Variants in GTPBP10 observed in about 807,000 individuals in gnomAD.
GTPBP10 encodes GTP-binding protein 10.
GTPBP10 carries 38 observed loss-of-function variants against 44.8 expected under a neutral mutation model. That is an observed-to-expected ratio of 0.85 (90% CI 0.65 to 1.11). The LOEUF is 1.11. GTPBP10 is among the 50% of genes most tolerant of loss of function. The pLI is 0.00. For missense variants in GTPBP10, 462 were observed against 453.7 expected (o/e 1.02, Z -0.17); for synonymous variants, 152 against 150.6 (o/e 1.01, Z -0.07).
rs1488370524 is a variant in GTPBP10, at chr7:90,386,867, AG to A, written c.*1714del. 6.6e-6 allele frequency: 1 copy of A among 152,204 alleles called. No individual in the cohort carries two copies. Among genetic ancestry groups the A allele is most frequent in the Non-Finnish European group, 1.5e-5 (1 of 68,042 alleles). The allele number at this position is 152,204 out of a possible 1,614,324, so 9.4% of individuals were successfully genotyped here. On this transcript the variant is annotated 3_prime_UTR_variant, in exon 10 of 10. Coordinates refer to ENST00000222511, the MANE Select transcript of GTPBP10 (RefSeq NM_033107.4). The stretch of plus-strand genomic sequence containing the variant: ...AATTCAAATAGTACAAAAGCATATA[AG>A]TAACTAATAAAAGCTCCCTTTCTGC...
intron 1 of GTPBP10, among the ~76,000 whole-genome samples, chr7:90,350,738 G>A (rs1795775664): frequency 6.6e-6 from 1 of 152,142 alleles, no homozygotes; most frequent in Non-Finnish European, 1.5e-5. Flanking sequence ...CTGCTGCAGT[G>A]GCTTCATGAA....
At chr7:90,372,609 C>A (rs1343178733) in intron 5 of GTPBP10, among the ~76,000 whole-genome samples, 3 of 151,566 alleles carry the variant, frequency 2.0e-5, no homozygotes, top group African/African-American at 7.3e-5. Flanking sequence ...AGCCACCCTC[C>A]CCAGCCATAT....
chr7:90,348,384 G>C (rs564579659), intron 1 of GTPBP10, among the ~76,000 whole-genome samples: 1 of 152,112 alleles, frequency 6.6e-6, no homozygotes. Context: ...TTGGCTGGAA[G>C]CCTCACTGAT....
chr7:90,353,143 T>C (rs1795826614), intron 2 of GTPBP10, 134 bp downstream of exon 2: 3 of 565,042 alleles, frequency 5.3e-6, no homozygotes, highest in Non-Finnish European at 9.1e-6. Flanking sequence ...AGCAAAAGCC[T>C]AAAATGTCTC....
rs946929703 is a variant in GTPBP10 at position 90,389,131 on chromosome 7, G to A, written c.*3977G>A. The A allele has an allele frequency of 6.6e-6, 1 of 152,136 alleles. No individual in the cohort carries two copies. The highest frequency in any genetic ancestry group is 1.5e-5 in the Non-Finnish European group (1 of 68,030). 9.4% of individuals were successfully genotyped at this position (152,136 alleles called of 1,614,324 possible). The stretch of plus-strand genomic sequence containing the variant: ...AATCCTTAATAGTATCTCAAATCTG[G>A]TTTAAATCTGTCTCTCCTTAACGGA... On this transcript the variant is annotated 3_prime_UTR_variant, in exon 10 of 10. Coordinates refer to ENST00000222511, the MANE Select transcript of GTPBP10 (RefSeq NM_033107.4).
chr7:90,357,569 T>G (rs755315911), intron 4 of GTPBP10, among the ~76,000 whole-genome samples: 8 of 152,142 alleles, frequency 5.3e-5, no homozygotes, highest in Non-Finnish European at 1.0e-4. Flanking sequence ...TGCAGAATAT[T>G]CCACCATTAT....
intron 5 of GTPBP10, among the ~76,000 whole-genome samples, chr7:90,374,038 A>G (rs1349647238): frequency 1.3e-5 from 2 of 152,114 alleles, no homozygotes; most frequent in East Asian, 1.9e-4. Flanking sequence ...GGGTCTCACT[A>G]TGCTGCCCAG....
chr7:90,371,745 A>G (rs533317060), intron 4 of GTPBP10, among the ~76,000 whole-genome samples: 2 of 152,182 alleles, frequency 1.3e-5, no homozygotes, highest in Non-Finnish European at 2.9e-5. Context: ...AATTCATTAC[A>G]CCTCTCTACT....
chr7:90,374,278 A>G (rs771763697), intron 5 of GTPBP10, 24 bp from the exon 6 acceptor site: 11 of 1,539,990 alleles, frequency 7.1e-6, no homozygotes, highest in Non-Finnish European at 9.9e-6. Context: ...TCTAGCCTTA[A>G]TTTATTGCTG....
chr7:90,365,368 C>CTTTTTTTTTTT lies in GTPBP10; in HGVS notation c.465-6772_465-6762dup, dbSNP rs59645149. Among the ~76,000 whole-genome samples the CTTTTTTTTTTT allele has an allele frequency of 5.5e-5, 5 of 90,362 alleles. 1 individual carries two copies. The highest frequency in any genetic ancestry group is 8.2e-5 in the Non-Finnish European group (4 of 48,934). The allele number at this position is 90,362 out of a possible 152,430, so 59.3% of individuals were successfully genotyped here. ...TTTTGGACTGAGACTTTGGGGTTTT[C>CTTTTTTTTTTT]TTTTTTTTTTTTTTTTTTTTTTTTT... On this transcript the variant is annotated intron_variant, in intron 4 of 9. Transcript: ENST00000222511.
chr7:90,369,556 A>G (rs1342368438), intron 4 of GTPBP10, among the ~76,000 whole-genome samples: 2 of 152,188 alleles, frequency 1.3e-5, no homozygotes, highest in Admixed American at 6.5e-5. Flanking sequence ...GCTGCAGCTC[A>G]TGGCAGGTCA....
At chr7:90,353,209 G>A (rs1197794452) in intron 2 of GTPBP10, 200 bp downstream of exon 2, 6 of 417,440 alleles carry the variant, frequency 1.4e-5, no homozygotes, top group African/African-American at 8.1e-5. Context: ...CTTTCTGTCC[G>A]TTTCTTTTCC....
rs773514296 is a variant in GTPBP10, at chr7:90,353,005, A to G, written c.223A>G (p.Ser75Gly). 6.4e-7 allele frequency: 1 copy of G among 1,573,654 alleles called. No homozygotes were observed. The highest frequency in any genetic ancestry group is 2.3e-5 in the East Asian group (1 of 44,202). ...GTTTGTGGCTGGAGTAGGAGCAAAC[A>G]GCAAGTAAGTAATTACTGAATGACT... ...KRFVAGVGAN[S>G]KISALKGSKG... The change falls in exon 2 of 10, where the codon AGC (serine) becomes GGC (glycine). Residue 75 changes from serine to glycine, a missense_variant. Physicochemically the swap from Ser to Gly is moderately conservative, Grantham distance 56. Transcript: ENST00000222511.
rs1162051923 is a variant in GTPBP10 at position 90,352,797 on chromosome 7, T to C, written c.34-19T>C. ...ATACACTTTTGGTATACAAATATTC[T>C]TTCTCTTTTTTTTTTAAGTATGGAA... On this transcript the variant is annotated intron_variant, in intron 1 of 9. Coordinates refer to ENST00000222511, the MANE Select transcript of GTPBP10 (RefSeq NM_033107.4). 9 of 1,571,200 alleles carry C rather than the reference T, an allele frequency of 5.7e-6. No homozygotes were observed. The Admixed American group carries it at 1.5e-4, about 27-fold the overall frequency.
chr7:90,362,702 C>G (rs534835113), intron 4 of GTPBP10, among the ~76,000 whole-genome samples: 53 of 152,226 alleles, frequency 3.5e-4, no homozygotes, highest in African/African-American at 1.2e-3. Context: ...AACTTTCTGT[C>G]TTGTTGATCT....
intron 4 of GTPBP10, among the ~76,000 whole-genome samples, chr7:90,363,970 T>C (rs1165135093): frequency 6.6e-6 from 1 of 152,244 alleles, no homozygotes; most frequent in African/African-American, 2.4e-5. Context: ...TCTCATGCCA[T>C]GGTTTGCAGC....
chr7:90,348,808 C>T (rs1795733970), intron 1 of GTPBP10, among the ~76,000 whole-genome samples: 1 of 152,200 alleles, frequency 6.6e-6, no homozygotes. Flanking sequence ...TGCCTCTTCA[C>T]AGAAGGGTCC....
At chr7:90,371,251 T>G in intron 4 of GTPBP10, 2 of 837,158 alleles carry the variant, frequency 2.4e-6, no homozygotes, top group Non-Finnish European at 2.9e-6. Context: ...CAATGTTGTT[T>G]AGAGTGAAAA....
Position 90,380,309 on chromosome 7 carries a change from C to A in GTPBP10, c.777+2098C>A, listed in dbSNP as rs17869736. On this transcript the variant is annotated intron_variant, in intron 8 of 9. Coordinates refer to ENST00000222511, the MANE Select transcript of GTPBP10 (RefSeq NM_033107.4). ...GGCCAGGCTGGTCTTGAACTCCTGA[C>A]CTCAGGTGATCCGCCCACCTGGCTT... is the stretch of plus-strand genomic sequence containing the variant. 9.4e-3 allele frequency among the ~76,000 whole-genome samples: 1,429 copies of A among 152,228 alleles called. 31 individuals are homozygous for A. The highest frequency in any genetic ancestry group is 0.032 in the African/African-American group (1,341 of 41,546).
Sources: gnomAD v4.1 joint callset for allele counts (sites outside exome capture counted in the v4.1 genomes callset) on GRCh38, gnomAD v4.1.1 for gene constraint, MANE v1.5 for transcripts, NCBI Gene and HGNC (gene_info 2026-07-23, HGNC 2026-07-21) for gene names.